The following SGCZ variants were observed in gnomAD, a reference collection of about 807,000 sequenced individuals.
SGCZ encodes the protein sarcoglycan zeta, also known as zeta-sarcoglycan.
SGCZ carries 40 observed loss-of-function variants against 41.3 expected under a neutral mutation model. The ratio of observed to expected loss-of-function variants is 0.97; its 90% CI spans 0.75 to 1.26. SGCZ has a LOEUF of 1.26. Among genes scored for constraint, SGCZ ranks in the 50% most tolerant of loss-of-function variants. The pLI is 0.00. For synonymous variants in SGCZ, 206 were observed against 137.5 expected, an observed-to-expected ratio of 1.50 and a Z score of -3.49; for missense variants, 552 against 369.8, an observed-to-expected ratio of 1.49 and a Z score of -4.04.
chr8:14,400,431 T>A (rs1799039389), intron 2 of SGCZ, among the ~76,000 whole-genome samples: 1 of 152,128 alleles, frequency 6.6e-6, no homozygotes, highest in Non-Finnish European at 1.5e-5. Context: ...CTATAAAGAA[T>A]AATACATATA....
chr8:15,212,610 G>A (rs1339152583), intron 1 of SGCZ, among the ~76,000 whole-genome samples: 2 of 152,152 alleles, frequency 1.3e-5, no homozygotes, highest in South Asian at 2.1e-4. Context: ...ATCTGTCAAT[G>A]ATTTTGAATA....
At chr8:14,435,335 T>A (rs1203688890) in intron 2 of SGCZ, among the ~76,000 whole-genome samples, 1 of 152,204 alleles carries the variant, frequency 6.6e-6, no homozygotes, top group Non-Finnish European at 1.5e-5. Flanking sequence ...ATTTCAATAA[T>A]CCCATAGTCT....
At chr8:14,718,244 T>C (rs10283361) in intron 1 of SGCZ, among the ~76,000 whole-genome samples, 8,155 of 151,986 alleles carry the variant, frequency 0.054, 742 homozygotes, top group African/African-American at 0.19. Context: ...AATTTTTTAA[T>C]GTTTTAATTT....
intron 1 of SGCZ, among the ~76,000 whole-genome samples, chr8:15,038,814 C>CAAAAAAAAAAA (rs58922339): frequency 1.1e-5 from 1 of 93,086 alleles, no homozygotes; most frequent in African/African-American, 4.0e-5. Context: ...TGACATTTCT[C>CAAAAAAAAAAA]AAAAAAAAAA....
chr8:15,080,383 C>A (rs1388852171), intron 1 of SGCZ, among the ~76,000 whole-genome samples: 1 of 152,032 alleles, frequency 6.6e-6, no homozygotes, highest in South Asian at 2.1e-4. Flanking sequence ...CACGGAAGTT[C>A]CTACCACCAG....
chr8:15,119,933 C>T (rs1327324843), intron 1 of SGCZ, among the ~76,000 whole-genome samples: 1 of 152,222 alleles, frequency 6.6e-6, no homozygotes, highest in East Asian at 1.9e-4. Context: ...CTTCAGCCTC[C>T]TGAGTAGCTA....
intron 2 of SGCZ, among the ~76,000 whole-genome samples, chr8:14,532,951 C>A (rs1803179794): frequency 1.3e-5 from 2 of 151,882 alleles, no homozygotes; most frequent in Non-Finnish European, 2.9e-5. Context: ...TTACAGCAAG[C>A]AGACCAAATA....
At position 14,518,617 on chromosome 8, in the gene SGCZ, G is replaced by C. The variant is rs528254263; in HGVS notation, c.234+36115C>G. Reference sequence around the variant, plus strand: ...AATGGAGACCTACCTACATCCACAAGTCTTTTCTTTCATTGACTTACTTTT... The same window carrying C: ...AATGGAGACCTACCTACATCCACAACTCTTTTCTTTCATTGACTTACTTTT... On this transcript the variant is annotated intron_variant, in intron 2 of 7. Transcript: ENST00000382080. 1.9e-4 allele frequency among the ~76,000 whole-genome samples: 29 copies of C among 152,152 alleles called. No homozygotes were observed. The South Asian group carries it at 6.0e-3, about 32-fold the overall frequency.
intron 3 of SGCZ, among the ~76,000 whole-genome samples, chr8:14,265,650 A>T (rs1186642935): frequency 6.6e-6 from 1 of 152,088 alleles, no homozygotes; most frequent in Non-Finnish European, 1.5e-5. Flanking sequence ...TTTAATAAGG[A>T]TGCAAACTGC....
intron 3 of SGCZ, among the ~76,000 whole-genome samples, chr8:14,276,927 C>A (rs566993472): frequency 5.3e-5 from 8 of 152,242 alleles, no homozygotes; most frequent in African/African-American, 7.2e-5. Context: ...AATGGAAACC[C>A]CTAGAGAATA....
At chr8:14,791,347 G>A (rs1275937765) in intron 1 of SGCZ, among the ~76,000 whole-genome samples, 1 of 151,894 alleles carries the variant, frequency 6.6e-6, no homozygotes, top group African/African-American at 2.4e-5. Context: ...GCACTAGGAG[G>A]CTCCATTCAC....
At chr8:14,119,512 G>C (rs1320292542) in intron 5 of SGCZ, among the ~76,000 whole-genome samples, 1 of 152,130 alleles carries the variant, frequency 6.6e-6, no homozygotes, top group Non-Finnish European at 1.5e-5. Context: ...TGCAAACAGA[G>C]ACAATTTCAC....
chr8:14,936,542 G>A (rs1225645079), intron 1 of SGCZ, among the ~76,000 whole-genome samples: 1 of 151,842 alleles, frequency 6.6e-6, no homozygotes, highest in Non-Finnish European at 1.5e-5. Context: ...GCACCACCAT[G>A]AAGTCAAAAA....
chr8:14,472,865 T>C (rs1447076102), intron 2 of SGCZ, among the ~76,000 whole-genome samples: 1 of 152,174 alleles, frequency 6.6e-6, no homozygotes, highest in East Asian at 1.9e-4. Flanking sequence ...ATATTATCAA[T>C]GCTAAGTTAT....
At chr8:15,040,626 C>CA (rs2130976491) in intron 1 of SGCZ, among the ~76,000 whole-genome samples, 1 of 151,854 alleles carries the variant, frequency 6.6e-6, no homozygotes, top group South Asian at 2.1e-4. Context: ...TATCTCAAAA[C>CA]AAAAAAGTGA....
At chr8:14,944,950 T>A (rs1800392924) in intron 1 of SGCZ, among the ~76,000 whole-genome samples, 1 of 152,152 alleles carries the variant, frequency 6.6e-6, no homozygotes, top group South Asian at 2.1e-4. Flanking sequence ...TGTTCACAGT[T>A]CCTTTTAGGC....
chr8:14,239,273 AC>A (rs1372688458), intron 3 of SGCZ, among the ~76,000 whole-genome samples: 3 of 151,770 alleles, frequency 2.0e-5, no homozygotes, highest in Non-Finnish European at 4.4e-5. Context: ...ACACACACAC[AC>A]ACACACACAC....
intron 2 of SGCZ, among the ~76,000 whole-genome samples, chr8:14,390,543 G>T (rs544402329): frequency 6.6e-6 from 1 of 151,634 alleles, no homozygotes; most frequent in African/African-American, 2.4e-5. Flanking sequence ...TCAAATAAAA[G>T]AAACACTGAA....
intron 2 of SGCZ, among the ~76,000 whole-genome samples, chr8:14,509,754 C>T (rs1585611635): frequency 6.6e-6 from 1 of 152,090 alleles, no homozygotes; most frequent in African/African-American, 2.4e-5. Context: ...ACTCACAGTT[C>T]CTCATGACTT....
Sources: allele counts gnomAD v4.1 joint callset (sites outside exome capture counted in the v4.1 genomes callset), GRCh38; gene constraint gnomAD v4.1.1; transcripts MANE v1.5; gene names NCBI Gene and HGNC (gene_info 2026-07-23, HGNC 2026-07-21).